Variants in BCL2L11 observed in about 807,000 individuals in gnomAD.
BCL2L11 encodes BCL2 like 11.
In BCL2L11, 15 loss-of-function variants were observed where a neutral mutation model predicts 20.6. The ratio of observed to expected loss-of-function variants is 0.73; its 90% confidence interval spans 0.49 to 1.12. BCL2L11 has a LOEUF of 1.12. Among genes scored for constraint, BCL2L11 ranks in the 50% most tolerant of loss-of-function variants. BCL2L11 has a pLI of 0.00. For missense variants in BCL2L11, 292 were observed against 260.9 expected (o/e 1.12, Z -0.82); for synonymous variants, 108 against 92.8 (o/e 1.16, Z -0.94).
chr2:111,162,151 C>CCGGAG (rs1264940304), intron 3 of BCL2L11, among the ~76,000 whole-genome samples: 3 of 152,222 alleles, frequency 2.0e-5, no homozygotes, highest in Non-Finnish European at 1.5e-5. Flanking sequence ...AACAGCAGCT[C>CCGGAG]CAGCCGGCCG....
intron 2 of BCL2L11, among the ~76,000 whole-genome samples, chr2:111,146,518 G>A (rs2076532272): frequency 6.6e-6 from 1 of 152,166 alleles, no homozygotes; most frequent in African/African-American, 2.4e-5. Context: ...CGGGCTCCAG[G>A]CACGCTTTTG....
At chr2:111,128,022 A>G (rs960353022) in intron 2 of BCL2L11, among the ~76,000 whole-genome samples, 16 of 152,218 alleles carry the variant, frequency 1.1e-4, no homozygotes, top group African/African-American at 3.9e-4. Flanking sequence ...AAGTGCACTT[A>G]TTTTGTTGTG....
At chr2:111,121,915 C>T (rs1318108033) in intron 1 of BCL2L11, among the ~76,000 whole-genome samples, 1 of 152,198 alleles carries the variant, frequency 6.6e-6, no homozygotes, top group Non-Finnish European at 1.5e-5. Context: ...GTCCCTGGGC[C>T]GGGCTATCTT....
intron 2 of BCL2L11, among the ~76,000 whole-genome samples, chr2:111,125,217 T>G (rs2072284359): frequency 6.6e-6 from 1 of 152,228 alleles, no homozygotes; most frequent in South Asian, 2.1e-4. Flanking sequence ...CTGATTCAGA[T>G]TTTGAAAACA....
chr2:111,123,129 C>T (rs1448092830), intron 1 of BCL2L11: 1 of 981,764 alleles, frequency 1.0e-6, no homozygotes, highest in Non-Finnish European at 1.2e-6. Context: ...GTGCGGCGTG[C>T]GGTACGGGAG....
chr2:111,158,039 T>C (rs1195921639), intron 3 of BCL2L11, among the ~76,000 whole-genome samples: 1 of 152,180 alleles, frequency 6.6e-6, no homozygotes, highest in African/African-American at 2.4e-5. Flanking sequence ...TTGGGCAGTA[T>C]TGTAGCAATC....
intron 2 of BCL2L11, among the ~76,000 whole-genome samples, chr2:111,139,250 T>C (rs528584816): frequency 1.3e-5 from 2 of 152,264 alleles, no homozygotes; most frequent in South Asian, 4.1e-4. Context: ...GGGTAAATCA[T>C]GGAGAGACAT....
intron 3 of BCL2L11, among the ~76,000 whole-genome samples, chr2:111,163,857 A>G (rs7557850): frequency 0.031 from 3,721 of 118,898 alleles, 161 homozygotes; most frequent in African/African-American, 0.11. Flanking sequence ...CATTTTTTTG[A>G]GTGCTTTTTT....
chr2:111,158,201 T>C (rs942710546), intron 3 of BCL2L11, among the ~76,000 whole-genome samples: 3 of 152,224 alleles, frequency 2.0e-5, no homozygotes, highest in Non-Finnish European at 2.9e-5. Flanking sequence ...CTGGGCCTTT[T>C]TCTCTCTGAC....
In BCL2L11 at chr2:111,164,285, A is replaced by G; in HGVS notation, c.*54A>G. 3.7e-6 allele frequency: 5 copies of G among 1,349,028 alleles called. No individual in the cohort carries two copies. Among genetic ancestry groups the G allele is most frequent in the Non-Finnish European group, 3.2e-6 (3 of 938,454 alleles). The allele number at this position is 1,349,028 out of a possible 1,614,324, so 83.6% of individuals were successfully genotyped here. A position where few individuals can be genotyped will look rare whatever the true frequency, so the allele number is the denominator to read the frequency against. On this transcript the variant is annotated 3_prime_UTR_variant, in exon 4 of 4. Transcript: ENST00000393256. ...GCAGACATTTTGCTTGTTCAAACCA[A>G]CAAGACCCAGCACCGCGGTCTCCTG...
chr2:111,162,876 G>C (rs1410429496), intron 3 of BCL2L11: 1 of 152,216 alleles, frequency 6.6e-6, no homozygotes, highest in Non-Finnish European at 1.5e-5. Flanking sequence ...TTCTCACACA[G>C]AGGCAGCAAA....
chr2:111,121,768 C>G (rs886453917), intron 1 of BCL2L11, among the ~76,000 whole-genome samples: 1 of 152,242 alleles, frequency 6.6e-6, no homozygotes, highest in Non-Finnish European at 1.5e-5. Flanking sequence ...CTCAAGCGTA[C>G]CTGGGGCCCC....
At chr2:111,122,125 TG>T (rs2071151415) in intron 1 of BCL2L11, among the ~76,000 whole-genome samples, 1 of 152,176 alleles carries the variant, frequency 6.6e-6, no homozygotes, top group Non-Finnish European at 1.5e-5. Context: ...CTTTGACTCG[TG>T]TCTGCGGCGC....
At chr2:111,163,781 A>G (rs2078852634) in intron 3 of BCL2L11, among the ~76,000 whole-genome samples, 1 of 151,738 alleles carries the variant, frequency 6.6e-6, no homozygotes, top group Non-Finnish European at 1.5e-5. Flanking sequence ...AATCTGCAGC[A>G]TATTTGAATG....
intron 2 of BCL2L11, chr2:111,132,055 A>G (rs771363387): frequency 6.6e-5 from 10 of 152,086 alleles, no homozygotes; most frequent in South Asian, 2.1e-4. Flanking sequence ...CCAGCTCCCA[A>G]TCTGGCTCTT....
intron 3 of BCL2L11, 160 bp downstream of exon 3, chr2:111,150,307 A>G (rs1226614350): frequency 7.1e-7 from 1 of 1,416,164 alleles, no homozygotes; most frequent in Non-Finnish European, 9.4e-7. Context: ...CCCATTTTTC[A>G]TTTGTTTTAT....
Position 111,167,589 on chromosome 2 carries a change from G to A in BCL2L11, c.*3358G>A, listed in dbSNP as rs1468239490. 1 of 152,240 alleles carries A rather than the reference G, an allele frequency of 6.6e-6. No homozygotes were observed. The highest frequency in any genetic ancestry group is 1.5e-5 in the Non-Finnish European group (1 of 68,054). 9.4% of individuals were successfully genotyped at this position (152,240 alleles called of 1,614,324 possible). A position where few individuals can be genotyped will look rare whatever the true frequency, so the allele number is the denominator to read the frequency against. On this transcript the variant is annotated 3_prime_UTR_variant, in exon 4 of 4. Coordinates refer to ENST00000393256, the MANE Select transcript of BCL2L11 (RefSeq NM_138621.5). ...CTTCCAGAGGTGCTGCATTGCAGTT[G>A]TTCAGGGCTAGGGCCAGGCAGGACA...
intron 1 of BCL2L11, among the ~76,000 whole-genome samples, chr2:111,122,355 A>T (rs1381436826): frequency 6.6e-6 from 1 of 152,090 alleles, no homozygotes; most frequent in African/African-American, 2.4e-5. Context: ...GTCCGGAAGG[A>T]GCACAGGGAT....
At chr2:111,140,323 A>G (rs1269181229) in intron 2 of BCL2L11, among the ~76,000 whole-genome samples, 1 of 152,228 alleles carries the variant, frequency 6.6e-6, no homozygotes, top group Admixed American at 6.5e-5. Flanking sequence ...GTTCAATATA[A>G]GGATTTCAGC....
Sources: allele counts gnomAD v4.1 joint callset (sites outside exome capture counted in the v4.1 genomes callset), GRCh38; gene constraint gnomAD v4.1.1; transcripts MANE v1.5; gene names NCBI Gene and HGNC (gene_info 2026-07-23, HGNC 2026-07-21).